The following EIF3A variants were observed in gnomAD, a reference collection of about 807,000 sequenced individuals.
The protein encoded by EIF3A is EIF3, p180 subunit.
EIF3A carries 21 observed loss-of-function variants against 186.6 expected under a neutral mutation model. That is an observed-to-expected ratio of 0.11 (90% CI 0.08 to 0.16). The LOEUF is 0.16. EIF3A is among the 10% of genes least tolerant of loss of function. The pLI, the probability that EIF3A is intolerant of heterozygous loss-of-function variation, is 1.00. For missense variants in EIF3A, 1,306 were observed against 1,796.3 expected (o/e 0.73, Z 4.93); for synonymous variants, 563 against 584.3 (o/e 0.96, Z 0.52).
rs757589056 is a variant in EIF3A, at chr10:119,037,301, C to T, written c.3737G>A (p.Gly1246Asp). 6.2e-7 allele frequency: 1 copy of T among 1,614,092 alleles called. No homozygotes were observed. Among genetic ancestry groups the T allele is most frequent in the South Asian group, 1.1e-5 (1 of 91,068 alleles). Residue 1246 changes from glycine (G) to aspartate (D), a missense_variant, in exon 21 of 22, where the codon GGT (glycine) becomes GAT (aspartate). Around this residue, in one of 8 missense-constraint regions of EIF3A, gnomAD observed 331 missense variants for 365.8 expected, o/e 0.90. Coordinates refer to ENST00000369144, the MANE Select transcript of EIF3A (RefSeq NM_003750.4). ...EDRFRRPRDE[G>D]GWRRGPAEES... ...CTCAGCTGGTCCTCTTCTCCAGCCA[C>T]CTTCATCCCTGTAGCCATTTACAAT...
chr10:119,069,770 T>C (rs1844041556), intron 5 of EIF3A, 116 bp from the exon 6 acceptor site: 2 of 636,284 alleles, frequency 3.1e-6, no homozygotes, highest in South Asian at 1.9e-5. Context: ...TAAAATACCT[T>C]TGTGTGGTTC....
At chr10:119,079,979 G>C (rs1195175089) in intron 1 of EIF3A, among the ~76,000 whole-genome samples, 1 of 152,116 alleles carries the variant, frequency 6.6e-6, no homozygotes. Context: ...TCAATGCCAG[G>C]AAAAATGAAA....
At chr10:119,073,093 T>C in intron 3 of EIF3A, 40 bp from the exon 4 acceptor site, 1 of 1,566,076 alleles carries the variant, frequency 6.4e-7, no homozygotes, top group Non-Finnish European at 8.6e-7. Flanking sequence ...TTAGACAGTT[T>C]CCTACTTTGC....
In EIF3A at chr10:119,038,348, T is replaced by C. The variant is rs778262558; in HGVS notation, c.3618A>G (p.Glu1206=). ...CTTGATTATCTCTGTCCCTTTCTTT[T>C]TCTCTGTCCCATTCACGTTCTTCTG... ...RPSEEREWDR[E]KERDRDNQDR... is the part of the protein sequence containing the mutation. The change falls in exon 20 of 22, where the codon GAA becomes GAG. Residue 1206 remains glutamate (E), a synonymous_variant. Transcript: ENST00000369144. The C allele has an allele frequency of 1.2e-6, 2 of 1,614,204 alleles. No individual in the cohort carries two copies. Among genetic ancestry groups the C allele is most frequent in the Non-Finnish European group, 1.7e-6 (2 of 1,180,024 alleles).
chr10:119,069,314 T>C (rs1233128704), intron 6 of EIF3A, 132 bp downstream of exon 6: 6 of 624,084 alleles, frequency 9.6e-6, no homozygotes, highest in African/African-American at 7.3e-5. Flanking sequence ...GACAGCCCCA[T>C]GACTAAGAAT....
chr10:119,059,222 G>A lies in EIF3A; in HGVS notation c.1619C>T (p.Ala540Val), dbSNP rs768032312. 1.9e-6 allele frequency: 3 copies of A among 1,613,852 alleles called. No individual in the cohort carries two copies. The highest frequency in any genetic ancestry group is 2.5e-6 in the Non-Finnish European group (3 of 1,179,802). ...LAKALEVIKP[A>V]HILQEKEEQH... ...CGGGAAGATGCATACCAGTATATGAGCTGGTTTAATGACTTCAAGTGCTTT... is the reference window on the plus strand; with the variant it reads ...CGGGAAGATGCATACCAGTATATGAACTGGTTTAATGACTTCAAGTGCTTT... The change falls in exon 11 of 22, where the codon GCT becomes GTT. Residue 540 changes from alanine (A) to valine (V), a missense_variant. Coordinates refer to ENST00000369144, the MANE Select transcript of EIF3A (RefSeq NM_003750.4).
At chr10:119,079,937 TG>T (rs1844235902) in intron 1 of EIF3A, among the ~76,000 whole-genome samples, 1 of 152,190 alleles carries the variant, frequency 6.6e-6, no homozygotes, top group Non-Finnish European at 1.5e-5. Context: ...CAACTTCCAG[TG>T]ATTCGAAACA....
In EIF3A at chr10:119,044,039, C is replaced by T; in HGVS notation, c.2747+15G>A. ...CAGGAACTGGAGCGGCATTATTTTCCTCAACTCTACTTACTTCTCTGGCGG... is the reference window on the plus strand; with the variant it reads ...CAGGAACTGGAGCGGCATTATTTTCTTCAACTCTACTTACTTCTCTGGCGG... On this transcript the variant is annotated intron_variant, in intron 18 of 21. Coordinates refer to ENST00000369144, the MANE Select transcript of EIF3A (RefSeq NM_003750.4). The T allele has an allele frequency of 1.9e-6, 3 of 1,591,626 alleles. No individual in the cohort carries two copies. The highest frequency in any genetic ancestry group is 1.7e-5 in the Admixed American group (1 of 59,578).
intron 17 of EIF3A, among the ~76,000 whole-genome samples, chr10:119,047,634 C>T (rs1313253764): frequency 6.6e-6 from 1 of 152,114 alleles, no homozygotes; most frequent in Non-Finnish European, 1.5e-5. Flanking sequence ...CAGATTTAAA[C>T]AAAACAGCGC....
Position 119,080,683 on chromosome 10 carries a change from G to A in EIF3A, c.-7C>T, listed in dbSNP as rs3740556. ...TCTGAAAATAGGCCGGCATCTTGGC[G>A]GCAGGCTCAGCTCACCCGGCGTCAG... On this transcript the variant is annotated 5_prime_UTR_variant, in exon 1 of 22. Coordinates refer to ENST00000369144, the MANE Select transcript of EIF3A (RefSeq NM_003750.4). The A allele has an allele frequency of 2.2e-4, 350 of 1,592,550 alleles. 1 individual carries two copies. In the East Asian group the frequency reaches 7.6e-3, roughly 34 times the overall value.
chr10:119,073,892 T>C lies in EIF3A; in HGVS notation c.95A>G (p.Tyr32Cys), dbSNP rs751940205. The change falls in exon 2 of 22, where the codon TAT (tyrosine) becomes TGT (cysteine). Residue 32 changes from tyrosine to cysteine, a missense_variant. Tyr to Cys is a radical substitution (Grantham distance 194). This residue lies in a region of EIF3A where 130 missense variants were observed against 259.3 expected (regional missense o/e 0.50). Coordinates refer to ENST00000369144, the MANE Select transcript of EIF3A (RefSeq NM_003750.4). ...ATGTTTTTTACTTTTCATAACATCA[T>C]AAAGAACATCCAGAGCAGGCTGCTT... ...GKKQPALDVL[Y>C]DVMKSKKHRT... 2 of 1,608,112 alleles carry C rather than the reference T, an allele frequency of 1.2e-6. No homozygotes were observed. Among genetic ancestry groups the C allele is most frequent in the Non-Finnish European group, 1.7e-6 (2 of 1,178,408 alleles).
chr10:119,055,750 T>C (rs995330030), intron 14 of EIF3A, among the ~76,000 whole-genome samples: 1 of 151,942 alleles, frequency 6.6e-6, no homozygotes, highest in African/African-American at 2.4e-5. Flanking sequence ...TAAAATAAAA[T>C]AATAAATATG....
chr10:119,068,479 A>G (rs1418540797), intron 6 of EIF3A, among the ~76,000 whole-genome samples: 1 of 150,786 alleles, frequency 6.6e-6, no homozygotes, highest in African/African-American at 2.4e-5. Context: ...GTTCGAGGAC[A>G]GCCTGGCCAA....
At chr10:119,052,064 CTGAT>C (rs1379182088) in intron 14 of EIF3A, among the ~76,000 whole-genome samples, 3 of 152,164 alleles carry the variant, frequency 2.0e-5, no homozygotes, top group African/African-American at 7.2e-5. Context: ...GTTTGCCACA[CTGAT>C]TGCAACCTCT....
At chr10:119,062,352 C>T (rs945483961) in intron 7 of EIF3A, among the ~76,000 whole-genome samples, 5 of 152,098 alleles carry the variant, frequency 3.3e-5, no homozygotes, top group African/African-American at 7.2e-5. Context: ...GTTTACTTTC[C>T]GATTTAAAAG....
chr10:119,050,696 A>C, intron 15 of EIF3A, 22 bp from the exon 16 acceptor site: 1 of 1,613,184 alleles, frequency 6.2e-7, no homozygotes, highest in East Asian at 2.2e-5. Context: ...GTAACCCCCA[A>C]CCCAAAAAGG....
At chr10:119,080,470 C>A (rs1844246875) in intron 1 of EIF3A, 158 bp downstream of exon 1, 1 of 985,278 alleles carries the variant, frequency 1.0e-6, no homozygotes, top group African/African-American at 1.7e-5. Context: ...GAGAAGGAAA[C>A]CCATGCCCAA....
chr10:119,046,247 G>A (rs1848281619), intron 17 of EIF3A, among the ~76,000 whole-genome samples: 1 of 152,126 alleles, frequency 6.6e-6, no homozygotes, highest in South Asian at 2.1e-4. Context: ...CCTCCCCTCT[G>A]TAACACTGTG....
chr10:119,080,564 C>T lies in EIF3A; in HGVS notation c.49+64G>A, dbSNP rs1195040962. The T allele has an allele frequency of 5.2e-6, 8 of 1,524,394 alleles. No individual in the cohort carries two copies. The East Asian group carries it at 1.8e-4, about 35-fold the overall frequency. 94.4% of individuals were successfully genotyped at this position (1,524,394 alleles called of 1,614,324 possible). A position where few individuals can be genotyped will look rare whatever the true frequency, so the allele number is the denominator to read the frequency against. On this transcript the variant is annotated intron_variant, in intron 1 of 21. Coordinates refer to ENST00000369144, the MANE Select transcript of EIF3A (RefSeq NM_003750.4). ...GGCGGCGGAGCAGTGGGAAGCAGGC[C>T]CGCGCTCTCGACCTCGGAGGCCTCG...
Sources: gnomAD v4.1 joint callset for allele counts (sites outside exome capture counted in the v4.1 genomes callset) on GRCh38, gnomAD v4.1.1 for gene constraint, gnomAD v4.1.1 regional missense constraint, MANE v1.5 for transcripts, NCBI Gene and HGNC (gene_info 2026-07-23, HGNC 2026-07-21) for gene names.